Variants in PDE4D observed in about 807,000 individuals in gnomAD.
The protein encoded by PDE4D is phosphodiesterase 4D, also known as 3',5'-cyclic-AMP phosphodiesterase 4D.
In PDE4D, 24 loss-of-function variants were observed where a neutral mutation model predicts 87.4. The observed-to-expected ratio is 0.27, with a 90% CI of 0.20 to 0.39. The LOEUF (loss-of-function observed/expected upper bound fraction) is 0.39, where lower values mean the gene tolerates loss of function less well. PDE4D is among the 10% of genes least tolerant of loss of function. The pLI is 1.00. For missense variants in PDE4D, 714 were observed against 1,041.0 expected (o/e 0.69, Z 4.32); for synonymous variants, 384 against 383.2 (o/e 1.00, Z -0.02).
intron 1 of PDE4D, among the ~76,000 whole-genome samples, chr5:59,341,642 A>T (rs748893554): frequency 6.6e-6 from 1 of 152,216 alleles, no homozygotes; most frequent in Non-Finnish European, 1.5e-5. Context: ...AAACACACAC[A>T]TAATATATCC....
chr5:60,095,646 C>CTGTCTATCTACAAGT (rs560041630), intron 2 of PDE4D, among the ~76,000 whole-genome samples: 1 of 152,026 alleles, frequency 6.6e-6, no homozygotes, highest in Non-Finnish European at 1.5e-5. Context: ...ACAATGGAAT[C>CTGTCTATCTACAAGT]TGTCTATCTA....
intron 1 of PDE4D, among the ~76,000 whole-genome samples, chr5:59,577,930 G>T (rs1561251402): frequency 6.6e-6 from 1 of 152,022 alleles, no homozygotes; most frequent in Non-Finnish European, 1.5e-5. Flanking sequence ...TTTAAACTGG[G>T]TTACATCAGT....
At chr5:59,890,092 TGC>T (rs1209942812) in intron 1 of PDE4D, among the ~76,000 whole-genome samples, 1 of 152,214 alleles carries the variant, frequency 6.6e-6, no homozygotes, top group Non-Finnish European at 1.5e-5. Context: ...TATCTGGAAA[TGC>T]TACAGTGCAT....
chr5:60,516,592 A>G (rs565547511), intron 1 of PDE4D, among the ~76,000 whole-genome samples: 3 of 152,356 alleles, frequency 2.0e-5, no homozygotes, highest in African/African-American at 7.2e-5. Context: ...GCCACTCAGA[A>G]GAAACCCTGT....
At chr5:60,343,976 T>G (rs1207138865) in intron 1 of PDE4D, among the ~76,000 whole-genome samples, 1 of 152,118 alleles carries the variant, frequency 6.6e-6, no homozygotes, top group Non-Finnish European at 1.5e-5. Context: ...ATCTTTTTTT[T>G]TTTTTTGGAC....
chr5:59,501,998 C>T lies in PDE4D; in HGVS notation c.456-286030G>A, dbSNP rs187253806. On this transcript the variant is annotated intron_variant, in intron 1 of 14. Transcript: ENST00000340635. The stretch of plus-strand genomic sequence containing the variant: ...AATTTTTACAGTGCCTTTGGAGACT[C>T]AGAGAAACTGTCTTGTTCTATTAAT... Among the ~76,000 whole-genome samples the T allele has an allele frequency of 5.9e-5, 9 of 152,300 alleles. No homozygotes were observed. The East Asian group carries it at 1.7e-3, about 29-fold the overall frequency.
intron 1 of PDE4D, among the ~76,000 whole-genome samples, chr5:59,280,931 A>G (rs547691167): frequency 3.1e-4 from 47 of 152,168 alleles, no homozygotes; most frequent in African/African-American, 1.1e-3. Context: ...TGTGGGTAGG[A>G]GAAGGACGCT....
At chr5:59,339,438 T>C (rs1431660742) in intron 1 of PDE4D, among the ~76,000 whole-genome samples, 1 of 152,230 alleles carries the variant, frequency 6.6e-6, no homozygotes, top group Non-Finnish European at 1.5e-5. Flanking sequence ...GGCATATAGA[T>C]GCATGTGCAG....
chr5:59,491,781 T>C lies in PDE4D; in HGVS notation c.456-275813A>G, dbSNP rs572506228. ...ATAGTTAAATATAATGTATAAGATA[T>C]AGAAATTGCTCTTTATCGCTATACT... On this transcript the variant is annotated intron_variant, in intron 1 of 14. Coordinates refer to ENST00000340635, the MANE Select transcript of PDE4D (RefSeq NM_001104631.2). 2.0e-5 allele frequency among the ~76,000 whole-genome samples: 3 copies of C among 152,354 alleles called. No homozygotes were observed. The East Asian group carries it at 5.8e-4, about 29-fold the overall frequency.
At chr5:59,408,573 G>A (rs953792037) in intron 1 of PDE4D, among the ~76,000 whole-genome samples, 1 of 152,208 alleles carries the variant, frequency 6.6e-6, no homozygotes, top group African/African-American at 2.4e-5. Context: ...GTGGGTCCCA[G>A]AATGTAGATC....
intron 12 of PDE4D, among the ~76,000 whole-genome samples, chr5:58,976,932 C>G (rs971840970): frequency 6.6e-6 from 1 of 152,164 alleles, no homozygotes; most frequent in Admixed American, 6.5e-5. Flanking sequence ...TCATTTTTCT[C>G]TGCCCGCCAC....
intron 1 of PDE4D, among the ~76,000 whole-genome samples, chr5:60,331,485 T>C (rs995111790): frequency 3.3e-5 from 5 of 152,232 alleles, no homozygotes; most frequent in African/African-American, 1.2e-4. Context: ...GACGCCATGG[T>C]TTCTCATTCA....
intron 1 of PDE4D, among the ~76,000 whole-genome samples, chr5:59,614,387 A>T (rs529424327): frequency 1.4e-3 from 220 of 152,332 alleles, no homozygotes; most frequent in African/African-American, 5.0e-3. Context: ...ATTTTGTTTT[A>T]TCTTTTAACT....
intron 1 of PDE4D, among the ~76,000 whole-genome samples, chr5:60,369,830 CA>C (rs376234421): frequency 4.6e-5 from 7 of 150,672 alleles, no homozygotes; most frequent in Admixed American, 2.0e-4. Flanking sequence ...CATGCACACA[CA>C]AAAAAAAATC....
intron 5 of PDE4D, among the ~76,000 whole-genome samples, chr5:59,053,637 TGTTTTTTG>T (rs751620820): frequency 5.5e-5 from 6 of 108,258 alleles, no homozygotes; most frequent in South Asian, 2.6e-4. Flanking sequence ...TAAGTTGTTT[TGTTTTTTG>T]TTTTTTTTTG....
rs376258101 is a variant in PDE4D, at chr5:60,091,225, T to C, written c.42+94332A>G. The stretch of plus-strand genomic sequence containing the variant: ...CAGAGTGAAGAGACAACCTGTTAAA[T>C]GAGAGAAAATATTCGCAAACTATTC... On this transcript the variant is annotated intron_variant, in intron 2 of 16. Transcript: ENST00000502484. Among the ~76,000 whole-genome samples the C allele has an allele frequency of 2.6e-5, 4 of 152,236 alleles. No individual in the cohort carries two copies. In the East Asian group the frequency reaches 7.7e-4, roughly 29 times the overall value.
chr5:59,952,995 A>G (rs1169733584), intron 3 of PDE4D, among the ~76,000 whole-genome samples: 1 of 152,200 alleles, frequency 6.6e-6, no homozygotes, highest in Non-Finnish European at 1.5e-5. Flanking sequence ...GTGACTTTAT[A>G]TGCAGAAATA....
chr5:60,246,062 T>C (rs1747737056), intron 1 of PDE4D, among the ~76,000 whole-genome samples: 1 of 151,762 alleles, frequency 6.6e-6, no homozygotes, highest in Non-Finnish European at 1.5e-5. Flanking sequence ...CCCATAAATA[T>C]ATACATCTAC....
At chr5:59,241,485 G>T (rs951710600) in intron 1 of PDE4D, among the ~76,000 whole-genome samples, 1 of 152,178 alleles carries the variant, frequency 6.6e-6, no homozygotes, top group African/African-American at 2.4e-5. Flanking sequence ...AAAGTTCTAG[G>T]TGTAAGAAAA....
Sources: gnomAD v4.1 joint callset for allele counts (sites outside exome capture counted in the v4.1 genomes callset) on GRCh38, gnomAD v4.1.1 for gene constraint, MANE v1.5 for transcripts, NCBI Gene and HGNC (gene_info 2026-07-23, HGNC 2026-07-21) for gene names.